CNTNAP2: variants seen among roughly 807,000 people sequenced by gnomAD.
The protein encoded by CNTNAP2 is contactin-associated protein-like 2.
In CNTNAP2, 98 loss-of-function variants were observed where a neutral mutation model predicts 155.2. The ratio of observed to expected loss-of-function variants is 0.63; its 90% CI spans 0.54 to 0.75. CNTNAP2 has a LOEUF of 0.75. Ranked by LOEUF, CNTNAP2 falls within the 30% of genes least tolerant of loss-of-function variation. CNTNAP2 has a pLI of 0.00. For synonymous variants in CNTNAP2, 651 were observed against 631.2 expected, an observed-to-expected ratio of 1.03 and a Z score of -0.47; for missense variants, 1,727 against 1,688.1, an observed-to-expected ratio of 1.02 and a Z score of -0.40.
intron 23 of CNTNAP2, 101 bp from the exon 24 acceptor site, chr7:148,415,316 G>T: frequency 8.4e-7 from 1 of 1,190,432 alleles, no homozygotes. Flanking sequence ...TGTTTTATAT[G>T]GGAGAGGGCT....
chr7:148,140,281 T>C (rs542305807), intron 16 of CNTNAP2, among the ~76,000 whole-genome samples: 52 of 152,272 alleles, frequency 3.4e-4, no homozygotes, highest in South Asian at 1.0e-3. Context: ...GACTCCGTTA[T>C]ATAGGAATGA....
At chr7:148,281,937 G>A (rs1251336106) in intron 21 of CNTNAP2, among the ~76,000 whole-genome samples, 2 of 146,372 alleles carry the variant, frequency 1.4e-5, no homozygotes, top group Non-Finnish European at 3.0e-5. Flanking sequence ...CCGGGTTCAA[G>A]CAATTCTCCT....
At chr7:146,677,810 G>A (rs1800428086) in intron 1 of CNTNAP2, among the ~76,000 whole-genome samples, 1 of 152,046 alleles carries the variant, frequency 6.6e-6, no homozygotes, top group Admixed American at 6.6e-5. Context: ...CCAGAAACAA[G>A]AGGATAAGGG....
At chr7:147,918,482 G>C (rs147213003) in intron 14 of CNTNAP2, among the ~76,000 whole-genome samples, 2 of 152,206 alleles carry the variant, frequency 1.3e-5, no homozygotes, top group South Asian at 2.1e-4. Flanking sequence ...AAGATAATGG[G>C]TGTGTACTAA....
At chr7:147,876,699 C>T (rs2116708742) in intron 13 of CNTNAP2, among the ~76,000 whole-genome samples, 1 of 152,128 alleles carries the variant, frequency 6.6e-6, no homozygotes, top group Middle Eastern at 3.4e-3. Flanking sequence ...CAATCTCTGG[C>T]TCATCATAAG....
chr7:147,305,351 T>C (rs946904930), intron 9 of CNTNAP2, among the ~76,000 whole-genome samples: 3 of 152,180 alleles, frequency 2.0e-5, no homozygotes, highest in African/African-American at 7.2e-5. Context: ...TAGCTATTTA[T>C]TATAGGAAAA....
chr7:146,960,499 G>A (rs1192403648), intron 3 of CNTNAP2, among the ~76,000 whole-genome samples: 1 of 152,134 alleles, frequency 6.6e-6, no homozygotes, highest in Admixed American at 6.5e-5. Flanking sequence ...GTGGTCATTT[G>A]AAATATGATG....
rs563875992 is a variant in CNTNAP2 at position 147,897,816 on chromosome 7, T to C, written c.2099-5749T>C. Among the ~76,000 whole-genome samples the C allele has an allele frequency of 1.2e-4, 18 of 152,190 alleles. No homozygotes were observed. The South Asian group carries it at 3.7e-3, about 32-fold the overall frequency. On this transcript the variant is annotated intron_variant, in intron 13 of 23. Coordinates refer to ENST00000361727, the MANE Select transcript of CNTNAP2 (RefSeq NM_014141.6). Reference sequence around the variant, plus strand: ...ACTCTAGACTTCATAAGGAGAAAAATTTATTATTGGCCATGGGAAGCATCA... The same window carrying C: ...ACTCTAGACTTCATAAGGAGAAAAACTTATTATTGGCCATGGGAAGCATCA...
intron 8 of CNTNAP2, among the ~76,000 whole-genome samples, chr7:147,211,610 T>C (rs577376317): frequency 3.9e-5 from 6 of 151,952 alleles, no homozygotes; most frequent in Non-Finnish European, 7.4e-5. Flanking sequence ...ACTAACCGTA[T>C]GAGAAACTAG....
chr7:147,401,433 A>C (rs1469301624), intron 10 of CNTNAP2, among the ~76,000 whole-genome samples: 1 of 152,196 alleles, frequency 6.6e-6, no homozygotes, highest in Non-Finnish European at 1.5e-5. Context: ...TTTCAAGAAT[A>C]TCCAGTTTGA....
At chr7:147,797,162 C>T (rs932718778) in intron 13 of CNTNAP2, among the ~76,000 whole-genome samples, 6 of 152,112 alleles carry the variant, frequency 3.9e-5, no homozygotes, top group African/African-American at 1.4e-4. Context: ...TTATAATTCT[C>T]GTTGAGGGAA....
At chr7:146,408,626 G>A (rs1026669992) in intron 1 of CNTNAP2, among the ~76,000 whole-genome samples, 24 of 126,062 alleles carry the variant, frequency 1.9e-4, no homozygotes, top group Non-Finnish European at 3.9e-4. Flanking sequence ...CCTGTCATGG[G>A]GTGGGGGGAG....
In CNTNAP2 at chr7:148,257,838, T is replaced by C. The variant is rs376814475; in HGVS notation, c.3382-9195T>C. Among the ~76,000 whole-genome samples the C allele has an allele frequency of 2.6e-5, 4 of 152,286 alleles. No homozygotes were observed. The South Asian group carries it at 6.2e-4, about 24-fold the overall frequency. ...ATGTCAATAAAATGCTATGAGGGCT[T>C]CAGTCCACTGAGTCATTCACAGAGA... On this transcript the variant is annotated intron_variant, in intron 20 of 23. Transcript: ENST00000361727.
chr7:146,914,998 G>A (rs558856373), intron 3 of CNTNAP2, among the ~76,000 whole-genome samples: 2 of 152,104 alleles, frequency 1.3e-5, no homozygotes, highest in Admixed American at 6.6e-5. Context: ...TTTTGTATAA[G>A]GTGAGAGATG....
intron 13 of CNTNAP2, among the ~76,000 whole-genome samples, chr7:147,718,240 G>A (rs1796511444): frequency 6.6e-6 from 1 of 151,998 alleles, no homozygotes; most frequent in Non-Finnish European, 1.5e-5. Flanking sequence ...GGTATAGGTA[G>A]GGTAAAAAGC....
chr7:146,576,267 T>A (rs1037463295), intron 1 of CNTNAP2, among the ~76,000 whole-genome samples: 1 of 152,210 alleles, frequency 6.6e-6, no homozygotes, highest in Non-Finnish European at 1.5e-5. Context: ...TTAATAGACT[T>A]TAAACGTTGG....
intron 14 of CNTNAP2, among the ~76,000 whole-genome samples, chr7:147,969,672 G>A (rs1275722494): frequency 6.6e-6 from 1 of 152,094 alleles, no homozygotes; most frequent in Non-Finnish European, 1.5e-5. Flanking sequence ...GAAAGATGGA[G>A]CTGAGAACAA....
chr7:148,071,540 A>G (rs73470256), intron 15 of CNTNAP2, among the ~76,000 whole-genome samples: 2,047 of 152,298 alleles, frequency 0.013, 52 homozygotes, highest in African/African-American at 0.047. Context: ...GAGGAACAGC[A>G]GAAGGAGAAA....
At chr7:147,253,652 T>C (rs893602076) in intron 8 of CNTNAP2, among the ~76,000 whole-genome samples, 5 of 152,086 alleles carry the variant, frequency 3.3e-5, no homozygotes, top group African/African-American at 1.2e-4. Flanking sequence ...TTCTTCCAGT[T>C]TGGGAGGCTC....
Sources: allele counts gnomAD v4.1 joint callset (sites outside exome capture counted in the v4.1 genomes callset), GRCh38; gene constraint gnomAD v4.1.1; transcripts MANE v1.5; gene names NCBI Gene and HGNC (gene_info 2026-07-23, HGNC 2026-07-21).